KIAA0586: variants seen among roughly 807,000 people sequenced by gnomAD.
The protein encoded by KIAA0586 is protein TALPID3.
Under a neutral mutation model 169.8 loss-of-function variants are expected in KIAA0586, and 144 were observed. The ratio of observed to expected loss-of-function variants is 0.85; its 90% CI spans 0.74 to 0.97. The LOEUF is 0.97. Among genes scored for constraint, KIAA0586 ranks in the 50% least tolerant of loss-of-function variants. The pLI is 0.00. For synonymous variants in KIAA0586, 625 were observed against 612.4 expected (o/e 1.02, Z -0.30); for missense variants, 1,854 against 1,823.0 (o/e 1.02, Z -0.31).
At chr14:58,513,503 G>T (rs969018224) in intron 29 of KIAA0586, among the ~76,000 whole-genome samples, 2 of 151,798 alleles carry the variant, frequency 1.3e-5, no homozygotes, top group Admixed American at 1.3e-4. Context: ...TGCCACTTAA[G>T]GTTTAGGTTT....
chr14:58,490,231 C>A lies in KIAA0586; in HGVS notation c.3849C>A (p.Ala1283=). The stretch of plus-strand genomic sequence containing the variant: ...GCTTATCCAGCACTCTGCATGATGC[C>A]GTTGAAATGGTAAGTAACGATTGAC... The part of the protein sequence containing the change: ...NDSLSSTLHD[A]VEMEDDPPSE... The change falls in exon 25 of 31, where the codon GCC becomes GCA. Residue 1283 remains alanine (A), a synonymous_variant. Transcript: ENST00000652326. The A allele has an allele frequency of 6.6e-7, 1 of 1,526,020 alleles. No individual in the cohort carries two copies. The highest frequency in any genetic ancestry group is 8.9e-7 in the Non-Finnish European group (1 of 1,126,630). 94.5% of individuals were successfully genotyped at this position (1,526,020 alleles called of 1,614,324 possible).
chr14:58,477,401 C>A (rs1442551055), intron 20 of KIAA0586, among the ~76,000 whole-genome samples, 160 bp downstream of exon 20: 1 of 152,082 alleles, frequency 6.6e-6, no homozygotes. Context: ...TTAGTTCTCT[C>A]TCACCCTCTT....
chr14:58,522,133 C>T, intron 29 of KIAA0586: 1 of 571,606 alleles, frequency 1.7e-6, no homozygotes. Flanking sequence ...TTCCCATGTT[C>T]ATTAATTCAT....
At position 58,427,862 on chromosome 14, in the gene KIAA0586, G is replaced by T. The variant is rs2036963678; in HGVS notation, c.-403G>T. On this transcript the variant is annotated 5_prime_UTR_variant, in exon 1 of 31. Coordinates refer to ENST00000652326, the MANE Select transcript of KIAA0586 (RefSeq NM_001329943.3). ...GAAAGCTATTACGCTTCTTATGTGG[G>T]TCATTATTTTAAAAATAGCATTTCG... The T allele has an allele frequency of 3.6e-6, 5 of 1,379,094 alleles. No homozygotes were observed. Among genetic ancestry groups the T allele is most frequent in the Non-Finnish European group, 4.8e-6 (5 of 1,052,614 alleles). The allele number at this position is 1,379,094 out of a possible 1,614,324, so 85.4% of individuals were successfully genotyped here.
At chr14:58,484,497 T>A (rs1245925067) in intron 21 of KIAA0586, among the ~76,000 whole-genome samples, 1 of 152,096 alleles carries the variant, frequency 6.6e-6, no homozygotes, top group African/African-American at 2.4e-5. Context: ...TGGACAGAGC[T>A]TAATCTAGTG....
intron 27 of KIAA0586, among the ~76,000 whole-genome samples, chr14:58,500,958 C>G (rs111445224): frequency 2.9e-4 from 44 of 152,216 alleles, no homozygotes; most frequent in African/African-American, 1.1e-3. Flanking sequence ...CTGTACATGT[C>G]CACAAATGAC....
intron 13 of KIAA0586, 51 bp downstream of exon 13, chr14:58,460,121 ATTTCC>A (rs2140876111): frequency 1.9e-6 from 2 of 1,074,106 alleles, no homozygotes; most frequent in South Asian, 3.2e-5. Context: ...ATAATTGATC[ATTTCC>A]TTTAAGAGAT....
intron 29 of KIAA0586, among the ~76,000 whole-genome samples, chr14:58,529,113 G>C (rs2045790140): frequency 6.6e-6 from 1 of 152,084 alleles, no homozygotes; most frequent in African/African-American, 2.4e-5. Context: ...AGAAGAAATG[G>C]ATAAATTCCT....
chr14:58,496,667 A>G (rs896532036), intron 26 of KIAA0586, among the ~76,000 whole-genome samples: 1 of 152,206 alleles, frequency 6.6e-6, no homozygotes, highest in Non-Finnish European at 1.5e-5. Flanking sequence ...ATGTTGAGCT[A>G]AGAAGTTTAG....
intron 29 of KIAA0586, among the ~76,000 whole-genome samples, chr14:58,513,577 C>G (rs2044544488): frequency 6.7e-6 from 1 of 150,010 alleles, no homozygotes; most frequent in Non-Finnish European, 1.5e-5. Flanking sequence ...GTCCTCCTGA[C>G]CCTTTTTTTT....
At chr14:58,540,228 T>C (rs2046556948) in intron 30 of KIAA0586, 92 bp downstream of exon 30, 2 of 679,070 alleles carry the variant, frequency 2.9e-6, no homozygotes, top group Non-Finnish European at 5.0e-6. Flanking sequence ...ATCAACACAG[T>C]AGAAATACTA....
chr14:58,457,639 C>A, intron 10 of KIAA0586, 120 bp from the exon 11 acceptor site: 1 of 617,112 alleles, frequency 1.6e-6, no homozygotes. Context: ...TTCAGTTTGA[C>A]AAATTGAGTC....
intron 19 of KIAA0586, among the ~76,000 whole-genome samples, chr14:58,476,159 A>G (rs1237345846): frequency 1.3e-5 from 2 of 152,154 alleles, no homozygotes; most frequent in East Asian, 3.8e-4. Context: ...TACATACCAA[A>G]TTAACTGTGT....
rs1053104530 is a variant in KIAA0586, at chr14:58,549,857, T to C, written c.*1925T>C. 6.6e-6 allele frequency: 1 copy of C among 152,236 alleles called. No individual in the cohort carries two copies. Among genetic ancestry groups the C allele is most frequent in the Non-Finnish European group, 1.5e-5 (1 of 68,052 alleles). The allele number at this position is 152,236 out of a possible 1,614,324, so 9.4% of individuals were successfully genotyped here. A position where few individuals can be genotyped will look rare whatever the true frequency, so the allele number is the denominator to read the frequency against. ...CTTGTTTTAGTTAAAGCATTTTTTA[T>C]TTAAAGGTGTTGGTAGATTTTTCCT... On this transcript the variant is annotated 3_prime_UTR_variant, in exon 31 of 31. Coordinates refer to ENST00000652326, the MANE Select transcript of KIAA0586 (RefSeq NM_001329943.3).
rs74428150 is a variant in KIAA0586 at position 58,533,839 on chromosome 14, A to G, written c.4430-6232A>G. On this transcript the variant is annotated intron_variant, in intron 29 of 30. Transcript: ENST00000652326. ...CTCCCTCTCTCCCCCTTGCCCCGAAACTTGCTATTCAACAGAAAATCTTTA... is the reference window on the plus strand; with the variant it reads ...CTCCCTCTCTCCCCCTTGCCCCGAAGCTTGCTATTCAACAGAAAATCTTTA... Among the ~76,000 whole-genome samples, 222 of 152,156 alleles carry G rather than the reference A, an allele frequency of 1.5e-3. 2 individuals carry two copies. The highest frequency in any genetic ancestry group is 5.2e-3 in the African/African-American group (215 of 41,510).
intron 6 of KIAA0586, among the ~76,000 whole-genome samples, chr14:58,446,492 A>G (rs766398560): frequency 3.9e-5 from 6 of 152,042 alleles, no homozygotes; most frequent in Non-Finnish European, 7.4e-5. Flanking sequence ...GCAAGACTCT[A>G]TCTTAACAAC....
intron 29 of KIAA0586, among the ~76,000 whole-genome samples, chr14:58,526,130 C>G (rs2045569149): frequency 6.6e-6 from 1 of 152,244 alleles, no homozygotes; most frequent in African/African-American, 2.4e-5. Flanking sequence ...GCTGTGGGTG[C>G]AGCTTCAGCA....
intron 29 of KIAA0586, among the ~76,000 whole-genome samples, chr14:58,513,179 T>A (rs1200819279): frequency 1.4e-5 from 2 of 146,900 alleles, no homozygotes; most frequent in Non-Finnish European, 2.9e-5. Flanking sequence ...CTGTTGGCCT[T>A]GTGTTTTGTT....
intron 19 of KIAA0586, 71 bp from the exon 20 acceptor site, chr14:58,477,052 A>G (rs776301675): frequency 1.2e-5 from 9 of 754,356 alleles, no homozygotes; most frequent in Admixed American, 2.2e-5. Context: ...TAGGGGTGGT[A>G]TGTCTAACAT....
Sources: gnomAD v4.1 joint callset for allele counts (sites outside exome capture counted in the v4.1 genomes callset) on GRCh38, gnomAD v4.1.1 for gene constraint, MANE v1.5 for transcripts, NCBI Gene and HGNC (gene_info 2026-07-23, HGNC 2026-07-21) for gene names.